SLC14A2: variants seen among roughly 807,000 people sequenced by gnomAD.
SLC14A2 encodes the protein urea transporter 2.
Under a neutral mutation model 104.6 loss-of-function variants are expected in SLC14A2, and 91 were observed. The observed-to-expected ratio is 0.87, with a 90% confidence interval of 0.73 to 1.04. The LOEUF (loss-of-function observed/expected upper bound fraction) is 1.04. SLC14A2 is among the 50% of genes least tolerant of loss of function. The pLI is 0.00. For synonymous variants in SLC14A2, 476 were observed against 466.4 expected (o/e 1.02, Z -0.27); for missense variants, 1,189 against 1,156.0 (o/e 1.03, Z -0.41).
intron 1 of SLC14A2, among the ~76,000 whole-genome samples, chr18:45,308,921 A>T (rs1035991982): frequency 6.6e-6 from 1 of 152,152 alleles, no homozygotes; most frequent in African/African-American, 2.4e-5. Context: ...GGGATAGCAC[A>T]GGAGGCATTT....
chr18:45,676,668 C>T (rs1403427216), intron 18 of SLC14A2, among the ~76,000 whole-genome samples: 3 of 152,138 alleles, frequency 2.0e-5, no homozygotes, highest in Admixed American at 6.5e-5. Context: ...ATACACAGGA[C>T]GGCACCCCCA....
chr18:45,174,557 G>C, the SLC14A2 span, among the ~76,000 whole-genome samples: 1 of 152,118 alleles, frequency 6.6e-6, no homozygotes, highest in African/African-American at 2.4e-5. Context: ...GGCAGAGTTT[G>C]AATGTCAGTC....
At chr18:45,372,852 T>G (rs915784723) in intron 1 of SLC14A2, among the ~76,000 whole-genome samples, 19 of 152,244 alleles carry the variant, frequency 1.2e-4, no homozygotes, top group African/African-American at 4.3e-4. Flanking sequence ...GTATTAAATC[T>G]AATATGTATA....
intron 1 of SLC14A2, among the ~76,000 whole-genome samples, chr18:45,323,063 T>C (rs2085200773): frequency 6.6e-6 from 1 of 152,166 alleles, no homozygotes; most frequent in African/African-American, 2.4e-5. Context: ...TCCTAATGAA[T>C]AGTGGTCTTG....
At chr18:45,296,293 G>A (rs1360857006) in intron 1 of SLC14A2, among the ~76,000 whole-genome samples, 1 of 152,160 alleles carries the variant, frequency 6.6e-6, no homozygotes, top group African/African-American at 2.4e-5. Context: ...CATGGGGTGG[G>A]ATAGGTATAA....
chr18:45,361,727 C>T (rs940079485), intron 1 of SLC14A2, among the ~76,000 whole-genome samples: 3 of 152,118 alleles, frequency 2.0e-5, no homozygotes, highest in South Asian at 2.1e-4. Flanking sequence ...CAGGGCTGCT[C>T]GGCTTCTCGG....
At chr18:45,523,110 T>A (rs1346585318) in intron 2 of SLC14A2, among the ~76,000 whole-genome samples, 2 of 152,138 alleles carry the variant, frequency 1.3e-5, no homozygotes, top group Non-Finnish European at 2.9e-5. Flanking sequence ...GTTCTCCACT[T>A]TCTCAGCTGG....
intron 1 of SLC14A2, among the ~76,000 whole-genome samples, chr18:45,279,928 C>A (rs537647484): frequency 4.1e-4 from 62 of 152,180 alleles, no homozygotes; most frequent in African/African-American, 1.5e-3. Flanking sequence ...GTGTCCTGTG[C>A]CTTTGGGATA....
chr18:45,244,172 T>A (rs2084346265), intron 1 of SLC14A2, among the ~76,000 whole-genome samples: 2 of 152,230 alleles, frequency 1.3e-5, no homozygotes, highest in Non-Finnish European at 2.9e-5. Context: ...TTCCTCAATA[T>A]ATAACTTCAC....
At chr18:45,497,840 A>G (rs1376475637) in intron 2 of SLC14A2, among the ~76,000 whole-genome samples, 1 of 152,190 alleles carries the variant, frequency 6.6e-6, no homozygotes, top group Non-Finnish European at 1.5e-5. Context: ...AAATGGCCCA[A>G]TGACTCAGGA....
At position 45,287,828 on chromosome 18, in the gene SLC14A2, G is replaced by T. The variant is rs1219188000; in HGVS notation, c.-125+74637G>T. On this transcript the variant is annotated intron_variant, in intron 1 of 20. Coordinates refer to the SLC14A2 transcript ENST00000586448. ...GAGTCCTCTCCCTCTGCTGATACCA[G>T]CGGCTGTGGATGAAACGTGGTCTTC... 5.9e-5 allele frequency among the ~76,000 whole-genome samples: 9 copies of T among 151,968 alleles called. No homozygotes were observed. In the East Asian group the frequency reaches 1.5e-3, roughly 26 times the overall value.
At chr18:45,173,859 C>T in the SLC14A2 span, among the ~76,000 whole-genome samples, 148 of 152,218 alleles carry the variant, frequency 9.7e-4, 3 homozygotes, top group African/African-American at 3.2e-3. Flanking sequence ...CACAGCCCTG[C>T]ATTTTGCACA....
rs1021601437 is a variant in SLC14A2, at chr18:45,563,785, A to C, written c.-34-60846A>C. Reference sequence around the variant, plus strand: ...CCGTCTATCTTCTAACAAGCTGATCAAATTTTGTACTTTATTATTCACGGT... The same window carrying C: ...CCGTCTATCTTCTAACAAGCTGATCCAATTTTGTACTTTATTATTCACGGT... On this transcript the variant is annotated intron_variant, in intron 2 of 20. Transcript: ENST00000586448. Among the ~76,000 whole-genome samples, 6 of 152,352 alleles carry C rather than the reference A, an allele frequency of 3.9e-5. 1 individual carries two copies. Among genetic ancestry groups the C allele is most frequent in the Admixed American group, 6.5e-5 (1 of 15,306 alleles).
chr18:45,356,065 G>C lies in SLC14A2; in HGVS notation c.-124-127168G>C, dbSNP rs573844972. Among the ~76,000 whole-genome samples, 4 of 152,226 alleles carry C rather than the reference G, an allele frequency of 2.6e-5. No homozygotes were observed. The East Asian group carries it at 5.8e-4, about 22-fold the overall frequency. Reference sequence around the variant, plus strand: ...GACAGCTTTTGTGATAGCTTTGATGGGGTGTGTGAGGGATTTGTGGACATG... The same window carrying C: ...GACAGCTTTTGTGATAGCTTTGATGCGGTGTGTGAGGGATTTGTGGACATG... On this transcript the variant is annotated intron_variant, in intron 1 of 20. Coordinates refer to the SLC14A2 transcript ENST00000586448.
chr18:45,554,794 T>C (rs544268807), intron 2 of SLC14A2, among the ~76,000 whole-genome samples: 3 of 152,274 alleles, frequency 2.0e-5, no homozygotes, highest in Non-Finnish European at 4.4e-5. Flanking sequence ...GCAGCAGATA[T>C]GCTGCTACTT....
At chr18:45,276,369 A>G (rs970792590) in intron 1 of SLC14A2, among the ~76,000 whole-genome samples, 1 of 152,252 alleles carries the variant, frequency 6.6e-6, no homozygotes, top group East Asian at 1.9e-4. Flanking sequence ...TAAAGGGGAC[A>G]TAGAAGAGGC....
intron 4 of SLC14A2, 44 bp from the exon 5 acceptor site, chr18:45,632,306 A>C (rs746573042): frequency 6.3e-7 from 1 of 1,596,524 alleles, no homozygotes; most frequent in Admixed American, 1.7e-5. Flanking sequence ...GGGCCCAGTA[A>C]CACCACCAAC....
At chr18:45,642,447 G>T (rs962525437) in intron 8 of SLC14A2, among the ~76,000 whole-genome samples, 2 of 152,202 alleles carry the variant, frequency 1.3e-5, no homozygotes, top group Non-Finnish European at 2.9e-5. Flanking sequence ...GGAGGCTAGG[G>T]TTTATCTCAA....
At chr18:45,634,004 T>C (rs2045382295) in intron 5 of SLC14A2, among the ~76,000 whole-genome samples, 1 of 152,160 alleles carries the variant, frequency 6.6e-6, no homozygotes, top group Admixed American at 6.5e-5. Flanking sequence ...TAAAACTACA[T>C]AGATTAAGCC....
Sources: gnomAD v4.1 joint callset for allele counts (sites outside exome capture counted in the v4.1 genomes callset) on GRCh38, gnomAD v4.1.1 for gene constraint, MANE v1.5 for transcripts, NCBI Gene and HGNC (gene_info 2026-07-23, HGNC 2026-07-21) for gene names.